The following COL5A2 variants were observed in gnomAD, a reference collection of about 807,000 sequenced individuals.
COL5A2 encodes collagen type V alpha 2 chain.
Under a neutral mutation model 208.2 loss-of-function variants are expected in COL5A2, and 23 were observed. That is an observed-to-expected ratio of 0.11 (90% CI 0.08 to 0.16). COL5A2 has a LOEUF of 0.16. Among genes scored for constraint, COL5A2 ranks in the 10% least tolerant of loss-of-function variants. COL5A2 has a pLI of 1.00. For missense variants in COL5A2, 1,590 were observed against 1,956.4 expected (o/e 0.81, Z 3.53); for synonymous variants, 625 against 628.5 (o/e 0.99, Z 0.08).
chr2:189,157,117 GATATATCTATCTATAT>G (rs66489304), intron 1 of COL5A2, among the ~76,000 whole-genome samples: 90,825 of 124,508 alleles, frequency 0.73, 29,300 homozygotes, highest in East Asian at 0.83. Context: ...TAGATATATC[GATATATCTATCTATAT>G]ATATATCTAT....
intron 13 of COL5A2, 57 bp downstream of exon 13, chr2:189,080,933 C>A: frequency 7.2e-7 from 1 of 1,396,140 alleles, no homozygotes. Flanking sequence ...GTAAATCTCC[C>A]CAGAGCCTGT....
chr2:189,336,883 G>A, the COL5A2 span, among the ~76,000 whole-genome samples: 2 of 152,036 alleles, frequency 1.3e-5, no homozygotes, highest in African/African-American at 2.4e-5. Context: ...ATAAAAAAAC[G>A]TAAAAACCTA....
the COL5A2 span, among the ~76,000 whole-genome samples, chr2:189,279,146 A>G: frequency 6.6e-6 from 1 of 151,958 alleles, no homozygotes; most frequent in Admixed American, 6.6e-5. Context: ...AGTTTAAAAG[A>G]ACAGAAGAAA....
At chr2:189,311,708 A>G in the COL5A2 span, 1 of 754,138 alleles carries the variant, frequency 1.3e-6, no homozygotes, top group Non-Finnish European at 2.4e-6. Flanking sequence ...CTGCATGGTG[A>G]CCACTGTGGT....
chr2:189,235,375 G>A, the COL5A2 span, among the ~76,000 whole-genome samples: 1 of 151,702 alleles, frequency 6.6e-6, no homozygotes, highest in African/African-American at 2.4e-5. Context: ...GTTAAGAAAT[G>A]TTTATTAGTA....
At chr2:189,406,417 A>AAT in the COL5A2 span, among the ~76,000 whole-genome samples, 1 of 152,308 alleles carries the variant, frequency 6.6e-6, no homozygotes, top group East Asian at 1.9e-4. Flanking sequence ...GAAATGTCTA[A>AAT]GATCATCAAA....
the COL5A2 span, among the ~76,000 whole-genome samples, chr2:189,357,205 C>G: frequency 6.6e-6 from 1 of 152,184 alleles, no homozygotes; most frequent in Non-Finnish European, 1.5e-5. Context: ...TCAGGATACA[C>G]AGAGGTCAGG....
chr2:189,074,712 T>C (rs958727316), intron 17 of COL5A2, among the ~76,000 whole-genome samples: 1 of 152,218 alleles, frequency 6.6e-6, no homozygotes, highest in African/African-American at 2.4e-5. Context: ...TCAAACACTT[T>C]AAACCAGAAA....
At chr2:189,161,494 G>T (rs1004000390) in intron 1 of COL5A2, among the ~76,000 whole-genome samples, 2 of 152,160 alleles carry the variant, frequency 1.3e-5, no homozygotes, top group South Asian at 2.1e-4. Context: ...TTGGACCAAA[G>T]ATGCTAAATA....
the COL5A2 span, among the ~76,000 whole-genome samples, chr2:189,437,914 A>G: frequency 3.3e-5 from 5 of 152,228 alleles, no homozygotes; most frequent in Non-Finnish European, 1.5e-5. Flanking sequence ...GAACAGAAAC[A>G]TACATGAAGA....
intron 9 of COL5A2, among the ~76,000 whole-genome samples, chr2:189,086,028 G>T (rs947511929): frequency 6.8e-6 from 1 of 147,656 alleles, no homozygotes; most frequent in East Asian, 2.0e-4. Flanking sequence ...AATAGTGCTG[G>T]CACAGTGTGT....
chr2:189,423,408 T>C, the COL5A2 span, among the ~76,000 whole-genome samples: 1 of 150,970 alleles, frequency 6.6e-6, no homozygotes, highest in African/African-American at 2.4e-5. Flanking sequence ...ATAAATGAAA[T>C]AGAAACTAGG....
At chr2:189,066,666 T>G (rs982505093) in intron 22 of COL5A2, 63 bp downstream of exon 22, 34 of 1,415,216 alleles carry the variant, frequency 2.4e-5, no homozygotes, top group Non-Finnish European at 7.0e-6. Flanking sequence ...CCTTGAGCAT[T>G]TTGAGCTGTA....
rs539309955 is a variant in COL5A2, at chr2:189,089,597, T to C, written c.568-825A>G. Among the ~76,000 whole-genome samples the C allele has an allele frequency of 3.6e-4, 55 of 152,318 alleles. 1 individual carries two copies. Among genetic ancestry groups the C allele is most frequent in the African/African-American group, 1.3e-3 (53 of 41,566 alleles). On this transcript the variant is annotated intron_variant, in intron 7 of 53. Transcript: ENST00000374866. Reference sequence around the variant, plus strand: ...ATTTTACTGTGCTTTACCAATATTATGTTTATTACAAATTCAAGTCTTATG... The same window carrying C: ...ATTTTACTGTGCTTTACCAATATTACGTTTATTACAAATTCAAGTCTTATG...
the COL5A2 span, among the ~76,000 whole-genome samples, chr2:189,348,440 A>G: frequency 6.6e-6 from 1 of 152,190 alleles, no homozygotes; most frequent in Non-Finnish European, 1.5e-5. Flanking sequence ...TGGAGAACTG[A>G]ATTAAGAGTT....
At chr2:189,306,820 T>G in the COL5A2 span, among the ~76,000 whole-genome samples, 1 of 152,222 alleles carries the variant, frequency 6.6e-6, no homozygotes, top group Admixed American at 6.5e-5. Context: ...GTTTATCACT[T>G]GCTCTTGGTT....
At chr2:189,047,410 C>T (rs1465033206) in intron 45 of COL5A2, among the ~76,000 whole-genome samples, 31 of 151,872 alleles carry the variant, frequency 2.0e-4, no homozygotes, top group Admixed American at 2.0e-3. Flanking sequence ...CTTTCTTCCC[C>T]TTTTTTTTCA....
chr2:189,260,817 CA>C, the COL5A2 span, among the ~76,000 whole-genome samples: 1 of 152,104 alleles, frequency 6.6e-6, no homozygotes. Context: ...ATCTTCCATC[CA>C]GTGAACTTTG....
In COL5A2 at chr2:189,043,207, T is replaced by C. The variant is rs1229872753; in HGVS notation, c.3415A>G (p.Arg1139Gly). Residue 1139 changes from arginine to glycine, a missense_variant, in exon 48 of 54, where the codon AGA becomes GGA. Transcript: ENST00000374866. ...DKGDHGDRGD[R>G]GQKGHRGFTG... ...AAGCCTCTGTGGCCCTTCTGACCTCTGTCACCTCGGTCTCCATGATCACCT... is the reference window on the plus strand; with the variant it reads ...AAGCCTCTGTGGCCCTTCTGACCTCCGTCACCTCGGTCTCCATGATCACCT... The C allele has an allele frequency of 6.2e-7, 1 of 1,613,898 alleles. No homozygotes were observed. Among genetic ancestry groups the C allele is most frequent in the Non-Finnish European group, 8.5e-7 (1 of 1,179,930 alleles).
Sources: allele counts gnomAD v4.1 joint callset (sites outside exome capture counted in the v4.1 genomes callset), GRCh38; gene constraint gnomAD v4.1.1; transcripts MANE v1.5; gene names NCBI Gene and HGNC (gene_info 2026-07-23, HGNC 2026-07-21).